The following PPP2R2B variants were observed in gnomAD, a reference collection of about 807,000 sequenced individuals.
PPP2R2B encodes protein phosphatase 2 regulatory subunit Bbeta, also known as serine/threonine-protein phosphatase 2A 55 kDa regulatory subunit B beta isoform.
A neutral mutation model predicts 46.0 loss-of-function variants in PPP2R2B; 5 were observed. The observed-to-expected ratio is 0.11, with a 90% CI of 0.06 to 0.23. The LOEUF (loss-of-function observed/expected upper bound fraction) is 0.23. PPP2R2B is among the 10% of genes least tolerant of loss of function. The pLI, the probability that PPP2R2B is intolerant of heterozygous loss-of-function variation, is 1.00. For synonymous variants in PPP2R2B, 215 were observed against 206.7 expected, an observed-to-expected ratio of 1.04 and a Z score of -0.34; for missense variants, 367 against 575.0, an observed-to-expected ratio of 0.64 and a Z score of 3.70.
intron 2 of PPP2R2B, among the ~76,000 whole-genome samples, chr5:147,066,733 T>C (rs1327754301): frequency 6.6e-6 from 1 of 152,152 alleles, no homozygotes; most frequent in Admixed American, 6.5e-5. Context: ...TAGAAAGCCA[T>C]TTCTAATCAT....
At chr5:146,682,220 G>A (rs545059002) in intron 5 of PPP2R2B, among the ~76,000 whole-genome samples, 63 of 152,320 alleles carry the variant, frequency 4.1e-4, no homozygotes, top group African/African-American at 1.4e-3. Context: ...GCAAGGCAGC[G>A]TAGGAGAGTC....
chr5:146,822,534 G>GTTTTTTT (rs1561935089), intron 2 of PPP2R2B, among the ~76,000 whole-genome samples: 1 of 133,924 alleles, frequency 7.5e-6, no homozygotes. Context: ...CTTCATTTTT[G>GTTTTTTT]GTTTTTTTTT....
chr5:146,626,167 T>C (rs747089362), intron 7 of PPP2R2B, among the ~76,000 whole-genome samples: 2 of 151,996 alleles, frequency 1.3e-5, no homozygotes, highest in Non-Finnish European at 2.9e-5. Context: ...ACAGCAGCCA[T>C]AGGAAGCTAA....
intron 1 of PPP2R2B, among the ~76,000 whole-genome samples, chr5:146,896,785 T>A (rs1282483772): frequency 1.3e-5 from 2 of 151,906 alleles, no homozygotes; most frequent in African/African-American, 4.8e-5. Context: ...AAGGCGTTAG[T>A]GGGGGTTGTC....
chr5:146,632,856 G>A (rs899865620), intron 7 of PPP2R2B, among the ~76,000 whole-genome samples: 8 of 152,270 alleles, frequency 5.3e-5, no homozygotes, highest in South Asian at 2.1e-4. Flanking sequence ...TATTGGAGGT[G>A]TAGGAAGCAA....
At chr5:147,072,905 G>T (rs1461089168) in intron 2 of PPP2R2B, among the ~76,000 whole-genome samples, 1 of 152,124 alleles carries the variant, frequency 6.6e-6, no homozygotes, top group Non-Finnish European at 1.5e-5. Context: ...TCTCATATTG[G>T]CTTCCAATCT....
chr5:146,744,461 C>T (rs1753056193), intron 2 of PPP2R2B, among the ~76,000 whole-genome samples: 1 of 152,208 alleles, frequency 6.6e-6, no homozygotes. Context: ...CCTCCAGTGA[C>T]AACACACAGG....
chr5:147,080,296 A>T (rs960671896), intron 2 of PPP2R2B, among the ~76,000 whole-genome samples: 16 of 152,194 alleles, frequency 1.1e-4, no homozygotes, highest in Non-Finnish European at 2.2e-4. Context: ...GTTATACCAC[A>T]TCTGGAATCT....
At chr5:146,929,471 G>A (rs1306579058) in intron 1 of PPP2R2B, among the ~76,000 whole-genome samples, 1 of 152,046 alleles carries the variant, frequency 6.6e-6, no homozygotes, top group Non-Finnish European at 1.5e-5. Flanking sequence ...GTCAGGAGGA[G>A]CATAGGTAAA....
intron 2 of PPP2R2B, among the ~76,000 whole-genome samples, chr5:147,063,233 A>G (rs1453244452): frequency 6.6e-6 from 1 of 152,164 alleles, no homozygotes; most frequent in Non-Finnish European, 1.5e-5. Context: ...TGGAGGTGGT[A>G]GCATCTGAGA....
intron 6 of PPP2R2B, among the ~76,000 whole-genome samples, chr5:146,645,274 T>A (rs1256451960): frequency 1.3e-5 from 2 of 152,166 alleles, no homozygotes; most frequent in Non-Finnish European, 2.9e-5. Context: ...AACATAAAGA[T>A]CTTATTAGCT....
intron 5 of PPP2R2B, among the ~76,000 whole-genome samples, chr5:146,680,785 CA>C: frequency 6.6e-6 from 1 of 152,246 alleles, no homozygotes; most frequent in Admixed American, 6.5e-5. Flanking sequence ...GAGCATGACC[CA>C]CCTTCTTCCA....
At chr5:146,945,223 C>A (rs1764443393) in intron 1 of PPP2R2B, among the ~76,000 whole-genome samples, 1 of 152,120 alleles carries the variant, frequency 6.6e-6, no homozygotes, top group African/African-American at 2.4e-5. Flanking sequence ...TATTACCAAA[C>A]AGGGTAGTGA....
intron 2 of PPP2R2B, among the ~76,000 whole-genome samples, chr5:146,741,791 C>G (rs544384689): frequency 6.6e-6 from 1 of 152,284 alleles, no homozygotes; most frequent in South Asian, 2.1e-4. Flanking sequence ...TTGATACATC[C>G]TTGAATGTCA....
chr5:146,698,298 G>GGA lies in PPP2R2B; in HGVS notation c.169-155_169-154insTC, dbSNP rs1779305889. On this transcript the variant is annotated intron_variant, in intron 3 of 9. Coordinates refer to ENST00000394411, the MANE Select transcript of PPP2R2B (RefSeq NM_181675.4). ...GGCCATGATAGTCACTAGCACCTCT[G>GGA]AAAAAAAAAAAAAAAAAAAATATAT... Among the ~76,000 whole-genome samples, 4 of 14,498 alleles carry GGA rather than the reference G, an allele frequency of 2.8e-4. No individual in the cohort carries two copies. The South Asian group carries it at 0.023, about 83-fold the overall frequency. The allele number at this position is 14,498 out of a possible 152,430, so 9.5% of individuals were successfully genotyped here. A position where few individuals can be genotyped will look rare whatever the true frequency, so the allele number is the denominator to read the frequency against.
chr5:146,878,375 C>A lies in PPP2R2B; in HGVS notation c.-124-180G>T, dbSNP rs999133463. ...TCCGCTGCCTCCGGGTGCCAAGATACGCCGTGCCCCGAGGGGTCTGGTCCC... is the reference window on the plus strand; with the variant it reads ...TCCGCTGCCTCCGGGTGCCAAGATAAGCCGTGCCCCGAGGGGTCTGGTCCC... On this transcript the variant is annotated intron_variant, in intron 1 of 9. Transcript: ENST00000394411. The surrounding 1 kb of genome is among the most constrained non-coding windows in gnomAD (Gnocchi z 4.5). 4.1e-5 allele frequency: 58 copies of A among 1,431,298 alleles called. No homozygotes were observed. The highest frequency in any genetic ancestry group is 3.0e-5 in the Non-Finnish European group (33 of 1,098,744). The allele number at this position is 1,431,298 out of a possible 1,614,324, so 88.7% of individuals were successfully genotyped here.
At chr5:146,861,788 A>C (rs1210011935) in intron 2 of PPP2R2B, among the ~76,000 whole-genome samples, 1 of 151,880 alleles carries the variant, frequency 6.6e-6, no homozygotes, top group African/African-American at 2.4e-5. Flanking sequence ...ATATAAGAGA[A>C]ATCATACTTT....
chr5:146,749,331 G>T (rs769029455), intron 2 of PPP2R2B, among the ~76,000 whole-genome samples: 1 of 151,772 alleles, frequency 6.6e-6, no homozygotes, highest in Non-Finnish European at 1.5e-5. Context: ...ATTTTCTTCC[G>T]GCCTGTAGTT....
chr5:146,868,872 T>C (rs1392238605), intron 2 of PPP2R2B, among the ~76,000 whole-genome samples: 1 of 152,236 alleles, frequency 6.6e-6, no homozygotes. Context: ...CAGATAGACC[T>C]GGATGTGACT....
Sources: gnomAD v4.1 joint callset for allele counts (sites outside exome capture counted in the v4.1 genomes callset) on GRCh38, gnomAD v4.1.1 for gene constraint, Gnocchi (gnomAD v3.1) non-coding constraint, MANE v1.5 for transcripts, NCBI Gene and HGNC (gene_info 2026-07-23, HGNC 2026-07-21) for gene names.